SLC17A9: variants seen among roughly 807,000 people sequenced by gnomAD.
SLC17A9 encodes voltage-gated purine nucleotide uniporter SLC17A9.
In SLC17A9, 49 loss-of-function variants were observed where a neutral mutation model predicts 55.0. That is an observed-to-expected ratio of 0.89 (90% confidence interval 0.71 to 1.13). SLC17A9 has a LOEUF of 1.13. Ranked by LOEUF, SLC17A9 falls within the 50% of genes most tolerant of loss-of-function variation. The pLI is 0.00. For synonymous variants in SLC17A9, 256 were observed against 247.4 expected, an observed-to-expected ratio of 1.03 and a Z score of -0.32; for missense variants, 526 against 569.3, an observed-to-expected ratio of 0.92 and a Z score of 0.77.
chr20:62,963,273 A>G lies in SLC17A9; in HGVS notation c.629A>G (p.Asp210Gly). The change falls in exon 6 of 13, where the codon GAT (aspartate) becomes GGT (glycine). Residue 210 changes from aspartate (D) to glycine (G), a missense_variant and splice_region_variant. Coordinates refer to ENST00000370351, the MANE Select transcript of SLC17A9 (RefSeq NM_022082.4). The stretch of plus-strand genomic sequence containing the variant: ...CAGTTTGAAACCGTTGCTCCCTCAG[A>G]TCTCATCCTGGCCTTGGGTGTCCTG... Reference protein sequence around the residue: ...YVYRYLLSEKDLILALGVLAQ... With the variant: ...YVYRYLLSEKGLILALGVLAQ... 1 of 1,613,496 alleles carries G rather than the reference A, an allele frequency of 6.2e-7. No individual in the cohort carries two copies. Among genetic ancestry groups the G allele is most frequent in the Non-Finnish European group, 8.5e-7 (1 of 1,179,998 alleles).
At chr20:62,957,321 C>A in intron 2 of SLC17A9, 120 bp from the exon 3 acceptor site, 1 of 1,493,758 alleles carries the variant, frequency 6.7e-7, no homozygotes, top group East Asian at 2.3e-5. Context: ...TGAGCAGGCC[C>A]TGTAGAGGCA....
intron 3 of SLC17A9, among the ~76,000 whole-genome samples, chr20:62,957,819 A>T (rs1425553279): frequency 9.1e-6 from 1 of 110,166 alleles, no homozygotes; most frequent in African/African-American, 3.5e-5. Context: ...GTGTGTGTGT[A>T]TGGGCATGCC....
chr20:62,965,511 TGCGGTGC>T (rs1887915418), intron 9 of SLC17A9, 92 bp from the exon 10 acceptor site: 1 of 1,130,810 alleles, frequency 8.8e-7, no homozygotes, highest in Admixed American at 1.9e-5. Flanking sequence ...CTGACCGTTG[TGCGGTGC>T]GCCCAGGGGG....
chr20:62,964,913 C>A, intron 8 of SLC17A9: 1 of 567,956 alleles, frequency 1.8e-6, no homozygotes, highest in South Asian at 2.4e-5. Flanking sequence ...CTGCCCAAAC[C>A]CACGCCTTGG....
In SLC17A9 at chr20:62,952,896, C is replaced by CG. The variant is rs1568908496; in HGVS notation, c.59+12dup. On this transcript the variant is annotated splice_region_variant and intron_variant, in intron 1 of 12. Coordinates refer to ENST00000370351, the MANE Select transcript of SLC17A9 (RefSeq NM_022082.4). ...GGGACACCCAGTGGTCCAGGTGTGG[C>CG]GGGGGTGAGGGGAGGGGGGGTGGGA... 1.7e-5 allele frequency: 1 copy of CG among 59,992 alleles called. No individual in the cohort carries two copies. The highest frequency in any genetic ancestry group is 2.5e-4 in the East Asian group (1 of 4,008). The allele number at this position is 59,992 out of a possible 1,614,324, so 3.7% of individuals were successfully genotyped here.
intron 1 of SLC17A9, 147 bp downstream of exon 1, chr20:62,953,036 T>C (rs2065504430): frequency 1.7e-6 from 2 of 1,186,694 alleles, no homozygotes; most frequent in African/African-American, 1.5e-5. Context: ...CTGTGTTCCT[T>C]GTGGGAGGTG....
intron 1 of SLC17A9, among the ~76,000 whole-genome samples, chr20:62,954,740 A>G (rs1220276432): frequency 6.6e-6 from 1 of 152,194 alleles, no homozygotes; most frequent in Non-Finnish European, 1.5e-5. Context: ...CCCAGCTCAG[A>G]GAAGGGGCTG....
In SLC17A9 at chr20:62,963,530, G is replaced by T. The variant is rs1386162460; in HGVS notation, c.726-54G>T. On this transcript the variant is annotated intron_variant, in intron 6 of 12. Coordinates refer to ENST00000370351, the MANE Select transcript of SLC17A9 (RefSeq NM_022082.4). ...GACGCCTCTCGGGGTGGGTCCCACAGGCCCGGCCAGCTCGTGCGGCACCAG... is the reference window on the plus strand; with the variant it reads ...GACGCCTCTCGGGGTGGGTCCCACATGCCCGGCCAGCTCGTGCGGCACCAG... The T allele has an allele frequency of 2.3e-5, 36 of 1,552,538 alleles. 1 individual carries two copies. In the Middle Eastern group the frequency reaches 1.2e-3, roughly 51 times the overall value.
At chr20:62,967,053 C>A (rs974044060) in intron 12 of SLC17A9, 13 of 576,850 alleles carry the variant, frequency 2.3e-5, no homozygotes, top group African/African-American at 3.8e-5. Context: ...AGCTCAGCCT[C>A]GCCTGGGCCG....
intron 6 of SLC17A9, 76 bp from the exon 7 acceptor site, chr20:62,963,508 G>A (rs1349077555): frequency 8.6e-6 from 13 of 1,515,868 alleles, no homozygotes; most frequent in African/African-American, 1.4e-5. Context: ...CCCAGGGGAC[G>A]CCTCTCGGGG....
intron 6 of SLC17A9, 37 bp from the exon 7 acceptor site, chr20:62,963,547 C>A (rs766557752): frequency 2.6e-6 from 4 of 1,562,928 alleles, no homozygotes; most frequent in Admixed American, 1.9e-5. Context: ...CCAGCTCGTG[C>A]GGCACCAGAG....
At chr20:62,960,218 G>A (rs1021581693) in intron 3 of SLC17A9, among the ~76,000 whole-genome samples, 1 of 152,272 alleles carries the variant, frequency 6.6e-6, no homozygotes, top group Non-Finnish European at 1.5e-5. Context: ...CCGGTGGTGA[G>A]AGTGTGCACA....
chr20:62,963,576 C>T lies in SLC17A9; in HGVS notation c.726-8C>T. ...ACCAGAGTCACGGTCCACCATTGGG[C>T]CCCGCAGGGCAGCCGTCGTCTCCCA... On this transcript the variant is annotated splice_region_variant and splice_polypyrimidine_tract_variant and intron_variant, in intron 6 of 12. Coordinates refer to ENST00000370351, the MANE Select transcript of SLC17A9 (RefSeq NM_022082.4). 2 of 1,585,414 alleles carry T rather than the reference C, an allele frequency of 1.3e-6. No homozygotes were observed. Among genetic ancestry groups the T allele is most frequent in the South Asian group, 2.3e-5 (2 of 86,938 alleles).
Position 62,960,736 on chromosome 20 carries a change from C to T in SLC17A9, c.497+133C>T, listed in dbSNP as rs2065582513. On this transcript the variant is annotated intron_variant, in intron 4 of 12. Coordinates refer to ENST00000370351, the MANE Select transcript of SLC17A9 (RefSeq NM_022082.4). ...CATGGTGAGGTGGGTCCCGCAGGCG[C>T]CTTTTGGGCTCTGTAGCCCGAGGCT... 4.5e-5 allele frequency: 36 copies of T among 800,720 alleles called. No homozygotes were observed. The South Asian group carries it at 5.8e-4, about 13-fold the overall frequency. 49.6% of individuals were successfully genotyped at this position (800,720 alleles called of 1,614,324 possible).
intron 1 of SLC17A9, among the ~76,000 whole-genome samples, chr20:62,956,117 C>G (rs1568910711): frequency 6.6e-6 from 1 of 152,244 alleles, no homozygotes; most frequent in African/African-American, 2.4e-5. Flanking sequence ...TCTGAGATCT[C>G]GCCCGGCCTC....
chr20:62,961,069 A>ATCCACGATG, intron 4 of SLC17A9, among the ~76,000 whole-genome samples: 1 of 85,776 alleles, frequency 1.2e-5, no homozygotes, highest in African/African-American at 4.5e-5. Context: ...GCTTGTCCTC[A>ATCCACGATG]CGGTGGGCCT....
intron 1 of SLC17A9, among the ~76,000 whole-genome samples, chr20:62,955,966 C>T (rs1264255601): frequency 1.3e-5 from 2 of 152,236 alleles, no homozygotes; most frequent in African/African-American, 4.8e-5. Context: ...GACAGCACTT[C>T]CTCCCACACA....
intron 11 of SLC17A9, 52 bp from the exon 12 acceptor site, chr20:62,966,651 G>C: frequency 6.2e-7 from 1 of 1,613,886 alleles, no homozygotes; most frequent in Non-Finnish European, 8.5e-7. Context: ...GGGGGATCCC[G>C]GAGGGCTTTT....
At chr20:62,953,183 G>A in intron 1 of SLC17A9, 1 of 1,550,110 alleles carries the variant, frequency 6.5e-7, no homozygotes. Context: ...CATTGTCCTG[G>A]ACAGTCAGGA....
Sources: allele counts gnomAD v4.1 joint callset (sites outside exome capture counted in the v4.1 genomes callset), GRCh38; gene constraint gnomAD v4.1.1; transcripts MANE v1.5; gene names NCBI Gene and HGNC (gene_info 2026-07-23, HGNC 2026-07-21).